The following FAM9B variants were observed in gnomAD, a reference collection of about 807,000 sequenced individuals.
FAM9B encodes the protein protein FAM9B.
In FAM9B, 18 loss-of-function variants were observed where a neutral mutation model predicts 16.6. The observed-to-expected ratio is 1.09, with a 90% CI of 0.75 to 1.61. The LOEUF (loss-of-function observed/expected upper bound fraction) is 1.61. Ranked by LOEUF, FAM9B falls within the 40% of genes most tolerant of loss-of-function variation. FAM9B has a pLI of 0.00. For synonymous variants in FAM9B, 43 were observed against 42.6 expected (o/e 1.01, Z -0.03); for missense variants, 155 against 136.0 (o/e 1.14, Z -0.70).
At chrX:9,026,393 C>T (rs1324747692) in intron 7 of FAM9B, among the ~76,000 whole-genome samples, 4 of 110,825 alleles carry the variant, frequency 3.6e-5, no homozygotes, top group African/African-American at 1.3e-4. Context: ...AGACAGAAGG[C>T]GGCAAAACAA....
chrX:9,033,452 C>A, intron 1 of FAM9B: 1 of 803,207 alleles, frequency 1.2e-6, no homozygotes, highest in Non-Finnish European at 1.5e-6. Context: ...CACTGCCACT[C>A]GCCCCCCTGG....
rs1158147474 is a variant in FAM9B, at chrX:9,024,435, T to G, written c.*974A>C. ...GACCAAAACAAACTAAATAGCATTT[T>G]GATGTCTGTGGAAATGACATACCCA... On this transcript the variant is annotated 3_prime_UTR_variant, in exon 9 of 9. Coordinates refer to ENST00000327220, the MANE Select transcript of FAM9B (RefSeq NM_205849.3). The G allele has an allele frequency of 8.9e-6, 1 of 112,032 alleles. No homozygotes were observed. Among genetic ancestry groups the G allele is most frequent in the Non-Finnish European group, 1.9e-5 (1 of 53,246 alleles). 9.2% of individuals were successfully genotyped at this position (112,032 alleles called of 1,213,427 possible).
In FAM9B at chrX:9,030,254, G is replaced by A. The variant is rs760301971; in HGVS notation, c.281+7C>T. 4 of 1,188,903 alleles carry A rather than the reference G, an allele frequency of 3.4e-6. No individual in the cohort carries two copies. Among genetic ancestry groups the A allele is most frequent in the African/African-American group, 1.8e-5 (1 of 56,612 alleles). ...ATATCATTATGCAAAAAAGCCAACA[G>A]TCATACCTTTTAAGTTGCTTTTTTC... On this transcript the variant is annotated splice_region_variant and intron_variant, in intron 5 of 8. Transcript: ENST00000327220.
chrX:9,032,739 G>C, intron 2 of FAM9B: 1 of 547,215 alleles, frequency 1.8e-6, no homozygotes, highest in Non-Finnish European at 2.9e-6. Context: ...TGCTCTGAGA[G>C]CATCTGTAAC....
chrX:9,028,568 T>A (rs1468689930), intron 6 of FAM9B, among the ~76,000 whole-genome samples: 1 of 111,575 alleles, frequency 9.0e-6, no homozygotes, highest in African/African-American at 3.3e-5. Flanking sequence ...AAAACTTAAA[T>A]AAACCTGTTA....
intron 2 of FAM9B, 104 bp downstream of exon 2, chrX:9,032,854 AG>A: frequency 2.8e-6 from 3 of 1,084,819 alleles, no homozygotes; most frequent in Non-Finnish European, 3.7e-6. Flanking sequence ...AGAGCCACGA[AG>A]GGGCCTGGGG....
At position 9,033,893 on chromosome X, in the gene FAM9B, C is replaced by T. The variant is rs1458882889; in HGVS notation, c.-131G>A. Reference sequence around the variant, plus strand: ...GTGGCGCCCTCAAAGAACCTGCAGGCAGCGGCACCACTAGGACCTCTTAGA... The same window carrying T: ...GTGGCGCCCTCAAAGAACCTGCAGGTAGCGGCACCACTAGGACCTCTTAGA... On this transcript the variant is annotated 5_prime_UTR_variant, in exon 1 of 9. Coordinates refer to ENST00000327220, the MANE Select transcript of FAM9B (RefSeq NM_205849.3). 1.3e-5 allele frequency: 10 copies of T among 750,045 alleles called. No individual in the cohort carries two copies. In the African/African-American group the frequency reaches 2.4e-4, roughly 18 times the overall value. 61.8% of individuals were successfully genotyped at this position (750,045 alleles called of 1,213,427 possible). A position where few individuals can be genotyped will look rare whatever the true frequency, so the allele number is the denominator to read the frequency against.
chrX:9,031,112 A>G (rs1921061589), intron 4 of FAM9B: 1 of 111,742 alleles, frequency 8.9e-6, no homozygotes, highest in Admixed American at 9.5e-5. Context: ...CCACAATGCA[A>G]ATATTTTTTA....
At position 9,024,556 on chromosome X, in the gene FAM9B, G is replaced by A. The variant is rs1320201204; in HGVS notation, c.*853C>T. ...TTTTTTTAAGAACACAGACAGTAAGGTGCTTTTAATAATTTTGATATGGCC... is the reference window on the plus strand; with the variant it reads ...TTTTTTTAAGAACACAGACAGTAAGATGCTTTTAATAATTTTGATATGGCC... On this transcript the variant is annotated 3_prime_UTR_variant, in exon 9 of 9. Coordinates refer to ENST00000327220, the MANE Select transcript of FAM9B (RefSeq NM_205849.3). 9.0e-6 allele frequency: 1 copy of A among 111,603 alleles called. No individual in the cohort carries two copies. The highest frequency in any genetic ancestry group is 1.9e-5 in the Non-Finnish European group (1 of 53,145). 9.2% of individuals were successfully genotyped at this position (111,603 alleles called of 1,213,427 possible). A position where few individuals can be genotyped will look rare whatever the true frequency, so the allele number is the denominator to read the frequency against.
At chrX:9,028,053 C>T (rs1360521131) in intron 6 of FAM9B, 87 bp from the exon 7 acceptor site, 6 of 636,193 alleles carry the variant, frequency 9.4e-6, no homozygotes, top group Non-Finnish European at 1.2e-5. Flanking sequence ...TAAAGGAATA[C>T]TGTTTAAATC....
At chrX:9,030,858 T>C (rs1404889215) in intron 4 of FAM9B, 1 of 112,182 alleles carries the variant, frequency 8.9e-6, no homozygotes, top group African/African-American at 3.2e-5. Context: ...TGATTGATGC[T>C]ATTAACTGTA....
chrX:9,032,939 T>C lies in FAM9B; in HGVS notation c.28+20A>G, dbSNP rs1187133122. 1.7e-6 allele frequency: 2 copies of C among 1,206,790 alleles called. No homozygotes were observed. The highest frequency in any genetic ancestry group is 2.2e-6 in the Non-Finnish European group (2 of 892,932). On this transcript the variant is annotated intron_variant, in intron 2 of 8. Transcript: ENST00000327220. The stretch of plus-strand genomic sequence containing the variant: ...TCTTGGGCGTGCACCTTCTTCTGGG[T>C]CCCCTTGGGCTGTATTTACCTGCAT...
rs1249861024 is a variant in FAM9B, at chrX:9,025,589, A to G, written c.493-6T>C. On this transcript the variant is annotated splice_region_variant and splice_polypyrimidine_tract_variant and intron_variant, in intron 7 of 8. Coordinates refer to ENST00000327220, the MANE Select transcript of FAM9B (RefSeq NM_205849.3). ...TCTTCAAAGTCCTCAAGAGCCTAAA[A>G]GAAAAAGTCTAGTTCACTGACAAAC... 16 of 1,198,976 alleles carry G rather than the reference A, an allele frequency of 1.3e-5. No homozygotes were observed. The highest frequency in any genetic ancestry group is 1.8e-5 in the Non-Finnish European group (16 of 887,279).
chrX:9,032,016 CAT>C (rs1312267764), intron 4 of FAM9B, 112 bp downstream of exon 4: 2 of 628,387 alleles, frequency 3.2e-6, no homozygotes, highest in East Asian at 3.5e-5. Context: ...TTAAATGCTA[CAT>C]ATGAGAAGCC....
At chrX:9,029,451 T>C in intron 5 of FAM9B, 33 bp from the exon 6 acceptor site, 1 of 989,971 alleles carries the variant, frequency 1.0e-6, no homozygotes, top group Non-Finnish European at 1.4e-6. Context: ...CGGTCATACG[T>C]CATAGAGAGA....
intron 4 of FAM9B, 133 bp downstream of exon 4, chrX:9,031,997 A>G (rs1411424397): frequency 2.0e-6 from 1 of 501,310 alleles, no homozygotes; most frequent in African/African-American, 2.4e-5. Flanking sequence ...ATTACATTAA[A>G]TACGTACGTT....
chrX:9,025,861 C>T (rs943194375), intron 7 of FAM9B, among the ~76,000 whole-genome samples: 5 of 110,910 alleles, frequency 4.5e-5, no homozygotes, highest in East Asian at 2.8e-4. Context: ...CAAGATGGAG[C>T]GAAGACAGAA....
At chrX:9,033,157 AG>A in intron 1 of FAM9B, 82 bp from the exon 2 acceptor site, 9 of 1,165,488 alleles carry the variant, frequency 7.7e-6, no homozygotes, top group Non-Finnish European at 9.2e-6. Flanking sequence ...AGGTTCAAGA[AG>A]GGTGGGGCTG....
chrX:9,032,622 C>T (rs2078348492), intron 2 of FAM9B, 161 bp from the exon 3 acceptor site: 2 of 846,985 alleles, frequency 2.4e-6, no homozygotes, highest in Non-Finnish European at 3.3e-6. Flanking sequence ...CGGTTCCTGA[C>T]CATTTTATCG....
Sources: gnomAD v4.1 joint callset for allele counts (sites outside exome capture counted in the v4.1 genomes callset) on GRCh38, gnomAD v4.1.1 for gene constraint, MANE v1.5 for transcripts, NCBI Gene and HGNC (gene_info 2026-07-23, HGNC 2026-07-21) for gene names.